Variants in NRBF2 observed in about 807,000 individuals in gnomAD.
The protein encoded by NRBF2 is nuclear receptor binding factor 2, also known as nuclear receptor-binding factor 2.
NRBF2 carries 12 observed loss-of-function variants against 28.5 expected under a neutral mutation model. That is an observed-to-expected ratio of 0.42 (90% CI 0.27 to 0.68). The LOEUF (loss-of-function observed/expected upper bound fraction) is 0.68. NRBF2 is among the 30% of genes least tolerant of loss of function. The probability of loss-of-function intolerance (pLI) is 0.24; values close to 1 mark genes in which losing one functional copy is unlikely to be tolerated. For missense variants in NRBF2, 274 were observed against 333.5 expected, an observed-to-expected ratio of 0.82 and a Z score of 1.39; for synonymous variants, 102 against 116.5, an observed-to-expected ratio of 0.88 and a Z score of 0.80.
At chr10:63,140,931 C>T (rs1040437857) in intron 1 of NRBF2, among the ~76,000 whole-genome samples, 1 of 151,966 alleles carries the variant, frequency 6.6e-6, no homozygotes, top group Admixed American at 6.5e-5. Flanking sequence ...AAACTCCTGA[C>T]CTCGTGATCT....
chr10:63,150,437 A>G (rs1589021585), intron 2 of NRBF2: 7 of 801,930 alleles, frequency 8.7e-6, no homozygotes, highest in Admixed American at 6.3e-5. Context: ...TTTTAAATTG[A>G]TACAGGGTCC....
At chr10:63,138,413 G>A (rs1841407115) in intron 1 of NRBF2, among the ~76,000 whole-genome samples, 1 of 152,086 alleles carries the variant, frequency 6.6e-6, no homozygotes, top group African/African-American at 2.4e-5. Flanking sequence ...GAACCTGGGA[G>A]GTGAAGATAG....
intron 1 of NRBF2, among the ~76,000 whole-genome samples, chr10:63,137,742 T>C (rs1330180590): frequency 6.6e-6 from 1 of 152,138 alleles, no homozygotes; most frequent in Non-Finnish European, 1.5e-5. Context: ...TTATATTGGC[T>C]TTAAAATCTT....
intron 2 of NRBF2, 61 bp downstream of exon 2, chr10:63,146,354 A>G: frequency 8.6e-7 from 1 of 1,168,412 alleles, no homozygotes; most frequent in Non-Finnish European, 1.2e-6. Context: ...CAATAGTAAT[A>G]ATGTGTGTTG....
At chr10:63,152,476 A>T (rs1841665761) in intron 3 of NRBF2, among the ~76,000 whole-genome samples, 5 of 152,202 alleles carry the variant, frequency 3.3e-5, no homozygotes, top group Admixed American at 3.3e-4. Flanking sequence ...ACCATTCCTA[A>T]TCATTAGCTC....
chr10:63,140,229 A>G (rs1359570195), intron 1 of NRBF2, among the ~76,000 whole-genome samples: 1 of 152,194 alleles, frequency 6.6e-6, no homozygotes, highest in Non-Finnish European at 1.5e-5. Flanking sequence ...GCTGTTTACA[A>G]AACGAATCAT....
chr10:63,153,890 A>G lies in NRBF2; in HGVS notation c.536A>G (p.Lys179Arg), dbSNP rs1214428749. 6.2e-7 allele frequency: 1 copy of G among 1,612,088 alleles called. No individual in the cohort carries two copies. The highest frequency in any genetic ancestry group is 1.7e-5 in the Admixed American group (1 of 60,016). Reference protein sequence around the residue: ...EEQATKIADLKRHVEFLVAEN... With the variant: ...EEQATKIADLRRHVEFLVAEN... ...CAGGCAACCAAAATTGCAGATTTGA[A>G]GAGGCATGTGGAATTCCTTGTGGCT... Residue 179 changes from lysine to arginine, a missense_variant, in exon 4 of 4, where the codon AAG (lysine) becomes AGG (arginine). Coordinates refer to ENST00000277746, the MANE Select transcript of NRBF2 (RefSeq NM_030759.5).
rs1238836523 is a variant in NRBF2, at chr10:63,154,992, AT to A, written c.*776del. ...ACGTAATGCTAGTTGGCAGTATTTTATTGTAAGAAATCAATAAAGTAATTGT... is the reference window on the plus strand; with the variant it reads ...ACGTAATGCTAGTTGGCAGTATTTTATGTAAGAAATCAATAAAGTAATTGT... On this transcript the variant is annotated 3_prime_UTR_variant, in exon 4 of 4. Transcript: ENST00000277746. 1.3e-5 allele frequency: 2 copies of A among 152,330 alleles called. No individual in the cohort carries two copies. Among genetic ancestry groups the A allele is most frequent in the Non-Finnish European group, 2.9e-5 (2 of 68,024 alleles). 9.4% of individuals were successfully genotyped at this position (152,330 alleles called of 1,614,324 possible).
intron 2 of NRBF2, among the ~76,000 whole-genome samples, chr10:63,150,969 T>C (rs1218568337): frequency 3.3e-5 from 5 of 151,990 alleles, no homozygotes; most frequent in African/African-American, 9.7e-5. Flanking sequence ...CAATGGGGAG[T>C]GGCTGTAAAT....
intron 1 of NRBF2, among the ~76,000 whole-genome samples, chr10:63,133,877 T>C (rs954628646): frequency 1.3e-5 from 2 of 152,040 alleles, no homozygotes; most frequent in Non-Finnish European, 2.9e-5. Flanking sequence ...GTGATACTGG[T>C]TTTAAGTTCT....
At chr10:63,146,433 G>A (rs1033151939) in intron 2 of NRBF2, 140 bp downstream of exon 2, 6 of 587,122 alleles carry the variant, frequency 1.0e-5, no homozygotes, top group Non-Finnish European at 1.8e-5. Context: ...TCAAGTAAGT[G>A]TGTTGGATTT....
chr10:63,144,103 C>T (rs1296812500), intron 1 of NRBF2, among the ~76,000 whole-genome samples: 7 of 152,040 alleles, frequency 4.6e-5, no homozygotes, highest in African/African-American at 1.7e-4. Flanking sequence ...TGAAGTTTAC[C>T]TTCTTAATTA....
At chr10:63,138,194 T>A (rs1841403623) in intron 1 of NRBF2, among the ~76,000 whole-genome samples, 1 of 152,006 alleles carries the variant, frequency 6.6e-6, no homozygotes, top group African/African-American at 2.4e-5. Flanking sequence ...GTGCCTGTAA[T>A]CCCAGCTACT....
At chr10:63,135,342 C>A (rs138796439) in intron 1 of NRBF2, among the ~76,000 whole-genome samples, 16 of 152,254 alleles carry the variant, frequency 1.1e-4, no homozygotes, top group African/African-American at 3.9e-4. Flanking sequence ...GGTGTCCTTG[C>A]CAAATGAGCA....
chr10:63,147,132 C>T (rs568784506), intron 2 of NRBF2, among the ~76,000 whole-genome samples: 161 of 152,238 alleles, frequency 1.1e-3, no homozygotes, highest in Non-Finnish European at 1.9e-3. Context: ...AAGTCTTCTG[C>T]TGGCAGGCAT....
At chr10:63,134,191 T>G (rs1215950995) in intron 1 of NRBF2, among the ~76,000 whole-genome samples, 1 of 152,186 alleles carries the variant, frequency 6.6e-6, no homozygotes, top group Non-Finnish European at 1.5e-5. Flanking sequence ...GGAAAATGGC[T>G]GATAGCCTGT....
intron 1 of NRBF2, among the ~76,000 whole-genome samples, chr10:63,141,861 A>G (rs1230501289): frequency 1.3e-5 from 2 of 152,170 alleles, no homozygotes; most frequent in East Asian, 1.9e-4. Context: ...TCTGGTGCCA[A>G]ATAACCTAGA....
Position 63,138,471 on chromosome 10 carries a change from G to T in NRBF2, c.30+4971G>T, listed in dbSNP as rs572519756. On this transcript the variant is annotated intron_variant, in intron 1 of 3. Coordinates refer to ENST00000277746, the MANE Select transcript of NRBF2 (RefSeq NM_030759.5). ...TGCACTGCAGCCTGAGCGACTGAGC[G>T]AGACCTTGTCGCAAAAAAAAAAAAA... Among the ~76,000 whole-genome samples the T allele has an allele frequency of 4.7e-5, 7 of 148,772 alleles. No individual in the cohort carries two copies. The South Asian group carries it at 1.5e-3, about 32-fold the overall frequency.
chr10:63,133,582 C>A, intron 1 of NRBF2, 82 bp downstream of exon 1: 1 of 1,073,792 alleles, frequency 9.3e-7, no homozygotes, highest in Non-Finnish European at 1.4e-6. Context: ...CGTCGGCTAA[C>A]CCTTTAGGCT....
Sources: gnomAD v4.1 joint callset for allele counts (sites outside exome capture counted in the v4.1 genomes callset) on GRCh38, gnomAD v4.1.1 for gene constraint, MANE v1.5 for transcripts, NCBI Gene and HGNC (gene_info 2026-07-23, HGNC 2026-07-21) for gene names.